The following DIS3L2 variants were observed in gnomAD, a reference collection of about 807,000 sequenced individuals.
DIS3L2 encodes the protein DIS3-like exonuclease 2.
Under a neutral mutation model 97.5 loss-of-function variants are expected in DIS3L2, and 34 were observed. That is an observed-to-expected ratio of 0.35 (90% CI 0.27 to 0.46). The LOEUF (loss-of-function observed/expected upper bound fraction) is 0.46, where lower values mean the gene tolerates loss of function less well. DIS3L2 is among the 20% of genes least tolerant of loss of function. DIS3L2 has a pLI of 1.00. For synonymous variants in DIS3L2, 435 were observed against 445.2 expected (o/e 0.98, Z 0.29); for missense variants, 1,038 against 1,146.0 (o/e 0.91, Z 1.36).
chr2:231,970,650 T>C (rs1021234752), intron 1 of DIS3L2, among the ~76,000 whole-genome samples: 5 of 152,156 alleles, frequency 3.3e-5, no homozygotes, highest in African/African-American at 9.7e-5. Context: ...GGTGAGTCAG[T>C]GAGTGAGTGG....
At chr2:232,286,738 C>T (rs189743605) in intron 13 of DIS3L2, among the ~76,000 whole-genome samples, 15 of 152,270 alleles carry the variant, frequency 9.9e-5, no homozygotes, top group African/African-American at 3.4e-4. Flanking sequence ...ACCCAGCAGC[C>T]TAAAGAGGCT....
chr2:232,251,834 A>G (rs1316905188), intron 12 of DIS3L2, among the ~76,000 whole-genome samples: 1 of 152,226 alleles, frequency 6.6e-6, no homozygotes, highest in Non-Finnish European at 1.5e-5. Flanking sequence ...AGCTATCAAT[A>G]AAAAGGGTAG....
chr2:232,173,596 A>C (rs1691056062), intron 9 of DIS3L2, among the ~76,000 whole-genome samples: 5 of 152,074 alleles, frequency 3.3e-5, no homozygotes, highest in Admixed American at 3.3e-4. Flanking sequence ...ATTTTTAGTT[A>C]ATCTTTGTAA....
intron 1 of DIS3L2, among the ~76,000 whole-genome samples, chr2:231,992,404 A>C (rs1037460888): frequency 6.6e-6 from 1 of 152,090 alleles, no homozygotes; most frequent in African/African-American, 2.4e-5. Flanking sequence ...GAAGCTACCC[A>C]TTGTCCTTGG....
intron 9 of DIS3L2, among the ~76,000 whole-genome samples, chr2:232,195,516 T>C (rs1691728404): frequency 7.0e-6 from 1 of 142,624 alleles, no homozygotes. Context: ...GTTGAAGCTG[T>C]CCTCTTGTCT....
At chr2:232,002,755 C>T (rs956287343) in intron 1 of DIS3L2, among the ~76,000 whole-genome samples, 4 of 152,170 alleles carry the variant, frequency 2.6e-5, no homozygotes, top group African/African-American at 4.8e-5. Context: ...TCACCTGCCT[C>T]CCTTTCACTG....
chr2:232,321,190 C>G (rs950710705), intron 14 of DIS3L2, among the ~76,000 whole-genome samples: 1 of 152,120 alleles, frequency 6.6e-6, no homozygotes, highest in African/African-American at 2.4e-5. Context: ...CAAAAGCCTG[C>G]GGGGGGCCAG....
In DIS3L2 at chr2:232,234,162, T is replaced by C. The variant is rs115008462; in HGVS notation, c.1205-4371T>C. On this transcript the variant is annotated intron_variant, in intron 10 of 20. Transcript: ENST00000325385. ...AAAGGATCTGAACCCAACCTGGTTT[T>C]GAATCTGGGATTTCTCACTTTTTAG... Among the ~76,000 whole-genome samples, 429 of 152,334 alleles carry C rather than the reference T, an allele frequency of 2.8e-3. 1 individual carries two copies. Among genetic ancestry groups the C allele is most frequent in the Non-Finnish European group, 4.7e-3 (317 of 68,024 alleles).
intron 8 of DIS3L2, among the ~76,000 whole-genome samples, chr2:232,148,705 C>T (rs1315372661): frequency 1.4e-5 from 2 of 147,916 alleles, no homozygotes; most frequent in East Asian, 2.0e-4. Context: ...CTTTACAAAG[C>T]TCCAAAAAAG....
At chr2:232,323,071 C>T (rs1695480129) in intron 14 of DIS3L2, among the ~76,000 whole-genome samples, 1 of 152,266 alleles carries the variant, frequency 6.6e-6, no homozygotes, top group Non-Finnish European at 1.5e-5. Context: ...GCCACCCCTC[C>T]TCAGGACCTT....
chr2:231,999,128 T>C (rs960927195), intron 1 of DIS3L2, among the ~76,000 whole-genome samples: 4 of 152,238 alleles, frequency 2.6e-5, no homozygotes, highest in Non-Finnish European at 5.9e-5. Flanking sequence ...AAAGCAGCCA[T>C]AGATAATTTG....
chr2:232,253,223 C>G (rs181779869), intron 12 of DIS3L2, among the ~76,000 whole-genome samples: 1 of 152,122 alleles, frequency 6.6e-6, no homozygotes, highest in Admixed American at 6.5e-5. Context: ...TTGTTCGATA[C>G]GAGTATGAGG....
chr2:231,984,483 T>G (rs908641471), intron 1 of DIS3L2, among the ~76,000 whole-genome samples: 3 of 148,448 alleles, frequency 2.0e-5, no homozygotes, highest in Admixed American at 6.8e-5. Context: ...GCCTCCCGGG[T>G]TCACGCCATT....
chr2:232,340,311 A>G (rs528946364), downstream of DIS3L2, among the ~76,000 whole-genome samples: 20 of 152,304 alleles, frequency 1.3e-4, no homozygotes, highest in African/African-American at 4.8e-4. Context: ...CCCAGCCTGC[A>G]CCACGGGACC....
At chr2:232,082,217 A>G (rs1234128107) in intron 5 of DIS3L2, among the ~76,000 whole-genome samples, 1 of 152,248 alleles carries the variant, frequency 6.6e-6, no homozygotes, top group Non-Finnish European at 1.5e-5. Context: ...GTTTTAGGAT[A>G]ATAACATAGA....
At chr2:232,188,403 G>A (rs1465732522) in intron 9 of DIS3L2, among the ~76,000 whole-genome samples, 1 of 151,992 alleles carries the variant, frequency 6.6e-6, no homozygotes, top group Non-Finnish European at 1.5e-5. Flanking sequence ...GAACAGAATA[G>A]AGAATCCAGA....
chr2:232,333,174 T>TCGC (rs1559218417), intron 16 of DIS3L2, among the ~76,000 whole-genome samples: 9 of 27,032 alleles, frequency 3.3e-4, no homozygotes, highest in African/African-American at 9.2e-4. Flanking sequence ...TCCTCCGCTG[T>TCGC]CGCCTCCTCC....
chr2:232,029,750 A>G (rs988607809), intron 4 of DIS3L2, among the ~76,000 whole-genome samples: 16 of 151,882 alleles, frequency 1.1e-4, no homozygotes, highest in Non-Finnish European at 1.9e-4. Context: ...GGGGGAGATT[A>G]TATGTTGTTC....
intron 9 of DIS3L2, among the ~76,000 whole-genome samples, chr2:232,201,788 G>C (rs919051981): frequency 5.9e-5 from 9 of 152,112 alleles, no homozygotes; most frequent in African/African-American, 2.2e-4. Flanking sequence ...TGGTAATTCA[G>C]ATGTCAAAAA....
Sources: allele counts gnomAD v4.1 joint callset (sites outside exome capture counted in the v4.1 genomes callset), GRCh38; gene constraint gnomAD v4.1.1; transcripts MANE v1.5; gene names NCBI Gene and HGNC (gene_info 2026-07-23, HGNC 2026-07-21).